Variants in PCDHGA5 observed in about 807,000 individuals in gnomAD.
PCDHGA5 encodes protocadherin gamma-A5.
Under a neutral mutation model 56.7 loss-of-function variants are expected in PCDHGA5, and 36 were observed. That is an observed-to-expected ratio of 0.64 (90% CI 0.49 to 0.84). The LOEUF (loss-of-function observed/expected upper bound fraction) is 0.84, where lower values mean the gene tolerates loss of function less well. PCDHGA5 is among the 40% of genes least tolerant of loss of function. The pLI is 0.00. For synonymous variants in PCDHGA5, 563 were observed against 520.2 expected (o/e 1.08, Z -1.12); for missense variants, 1,305 against 1,201.5 (o/e 1.09, Z -1.27).
chr5:141,485,768 C>G lies in PCDHGA5; in HGVS notation c.2422-9039C>G. ...GGTCCCAGAGCTGCTCCTGGAGAAG[C>G]CTTTGGATCGAGAGAAGCAATCGGA... On this transcript the variant is annotated intron_variant, in intron 1 of 3. Coordinates refer to ENST00000518069, the MANE Select transcript of PCDHGA5 (RefSeq NM_018918.3). The surrounding 1 kb of genome is among the most constrained non-coding windows in gnomAD (Gnocchi z 5.7). 5 of 1,614,192 alleles carry G rather than the reference C, an allele frequency of 3.1e-6. No homozygotes were observed. The South Asian group carries it at 3.3e-5, about 11-fold the overall frequency.
At chr5:141,373,660 C>G (rs1045727807) in intron 1 of PCDHGA5, among the ~76,000 whole-genome samples, 15 of 152,296 alleles carry the variant, frequency 9.8e-5, no homozygotes, top group Admixed American at 3.3e-4. Context: ...GAGATATTTT[C>G]ATAAAAATGA....
rs561122870 is a variant in PCDHGA5 at position 141,439,444 on chromosome 5, C to T, written c.2422-55363C>T. On this transcript the variant is annotated intron_variant, in intron 1 of 3. Transcript: ENST00000518069. ...ATAAATTCCCAGGAATATTTTATTG[C>T]GGGAGCAAGACTGCACTGCTGCCTT... Among the ~76,000 whole-genome samples the T allele has an allele frequency of 3.0e-4, 46 of 152,264 alleles. 1 individual carries two copies. The South Asian group carries it at 6.2e-3, about 21-fold the overall frequency.
Position 141,364,690 on chromosome 5 carries a change from A to G in PCDHGA5, c.360A>G (p.Glu120=), listed in dbSNP as rs754705935. Residue 120 remains glutamate, a synonymous_variant, in exon 1 of 4, where the codon GAA becomes GAG. Transcript: ENST00000518069. ...VENKMKIYGV[E]VEIIDINDNF... ...ACAAAATGAAAATTTATGGAGTAGA[A>G]GTAGAAATAATCGATATTAATGATA... 4 of 1,613,978 alleles carry G rather than the reference A, an allele frequency of 2.5e-6. No homozygotes were observed. The highest frequency in any genetic ancestry group is 3.4e-6 in the Non-Finnish European group (4 of 1,179,896).
At chr5:141,409,184 T>C in intron 1 of PCDHGA5, 1 of 1,614,044 alleles carries the variant, frequency 6.2e-7, no homozygotes, top group Non-Finnish European at 8.5e-7. Context: ...AGGTGGTCTC[T>C]CTACCCAGTG....
At chr5:141,445,207 AAAGT>A (rs1322618652) in intron 1 of PCDHGA5, among the ~76,000 whole-genome samples, 1 of 152,196 alleles carries the variant, frequency 6.6e-6, no homozygotes, top group Non-Finnish European at 1.5e-5. Flanking sequence ...ATGCTTTTGA[AAAGT>A]AAGAGGTGCA....
chr5:141,471,843 T>C (rs1471729261), intron 1 of PCDHGA5, among the ~76,000 whole-genome samples: 2 of 152,166 alleles, frequency 1.3e-5, no homozygotes, highest in Admixed American at 6.5e-5. Context: ...TTTAATAAAA[T>C]ATTCAGAAAA....
chr5:141,385,363 T>G lies in PCDHGA5; in HGVS notation c.2421+18612T>G, dbSNP rs533363868. The G allele has an allele frequency of 5.7e-5, 88 of 1,539,980 alleles. No individual in the cohort carries two copies. The South Asian group carries it at 1.1e-3, about 19-fold the overall frequency. The stretch of plus-strand genomic sequence containing the variant: ...TCCTTTATTTCCATGAGGAATTTAT[T>G]TGCATGATATTTCTCTATTATTTTG... On this transcript the variant is annotated intron_variant, in intron 1 of 3. Transcript: ENST00000518069.
At chr5:141,405,441 A>G (rs1049992632) in intron 1 of PCDHGA5, 1 of 1,376,552 alleles carries the variant, frequency 7.3e-7, no homozygotes, top group Non-Finnish European at 1.0e-6. Context: ...TGTTTTTGAG[A>G]CAGAGTCTTA....
At chr5:141,421,417 G>A (rs1188564125) in intron 1 of PCDHGA5, 2 of 1,613,950 alleles carry the variant, frequency 1.2e-6, no homozygotes, top group Non-Finnish European at 1.7e-6. Context: ...GGCGAAGCGC[G>A]GAGTCCGCAT....
At chr5:141,426,922 T>C in intron 1 of PCDHGA5, 1 of 456,720 alleles carries the variant, frequency 2.2e-6, no homozygotes, top group Non-Finnish European at 4.4e-6. Flanking sequence ...CTGGAAGCAA[T>C]GGACATGGGT....
At chr5:141,483,648 T>TTGTGTGTGTGTGTG (rs111458813) in intron 1 of PCDHGA5, among the ~76,000 whole-genome samples, 2 of 149,592 alleles carry the variant, frequency 1.3e-5, no homozygotes, top group Non-Finnish European at 3.0e-5. Context: ...GGGTGTGTGT[T>TTGTGTGTGTGTGTG]TGTGTGTGTG....
At chr5:141,403,525 C>T (rs1427557410) in intron 1 of PCDHGA5, 1 of 1,614,002 alleles carries the variant, frequency 6.2e-7, no homozygotes, top group South Asian at 1.1e-5. Flanking sequence ...GAGCCATAAA[C>T]CCAGAGCTGG....
At chr5:141,442,403 G>A (rs1042068651) in intron 1 of PCDHGA5, 2 of 152,168 alleles carry the variant, frequency 1.3e-5, no homozygotes, top group African/African-American at 4.8e-5. Context: ...TACGAATCCA[G>A]GGCTGAGTGA....
chr5:141,454,101 A>T (rs2098781558), intron 1 of PCDHGA5, among the ~76,000 whole-genome samples: 1 of 152,256 alleles, frequency 6.6e-6, no homozygotes. Flanking sequence ...ATTGAACATA[A>T]ATGGAGTTAT....
intron 1 of PCDHGA5, 161 bp from the exon 2 acceptor site, chr5:141,494,646 T>C (rs1324048407): frequency 1.1e-6 from 1 of 935,836 alleles, no homozygotes; most frequent in East Asian, 1.2e-4. Flanking sequence ...AGACCTGAGG[T>C]GTATTTTGTC....
intron 1 of PCDHGA5, chr5:141,393,264 C>A (rs537186931): frequency 6.2e-7 from 1 of 1,613,916 alleles, no homozygotes. Flanking sequence ...TCCTGGAGCA[C>A]GTTATCCACT....
At chr5:141,510,238 A>C (rs2099880007) in intron 3 of PCDHGA5, among the ~76,000 whole-genome samples, 1 of 149,340 alleles carries the variant, frequency 6.7e-6, no homozygotes, top group Non-Finnish European at 1.5e-5. Flanking sequence ...GCGCCACTGC[A>C]CTCCAGGCTG....
chr5:141,480,414 CA>C (rs10712552), intron 1 of PCDHGA5, among the ~76,000 whole-genome samples: 43,347 of 147,074 alleles, frequency 0.29, 6,620 homozygotes, highest in African/African-American at 0.4. Flanking sequence ...GACCCTGTCT[CA>C]AAAAAAAAAA....
At chr5:141,492,505 C>A (rs1009723421) in intron 1 of PCDHGA5, among the ~76,000 whole-genome samples, 1 of 152,212 alleles carries the variant, frequency 6.6e-6, no homozygotes, top group Admixed American at 6.5e-5. Context: ...GACTCCGGAG[C>A]CTCCTCTCAC....
Sources: allele counts gnomAD v4.1 joint callset (sites outside exome capture counted in the v4.1 genomes callset), GRCh38; gene constraint gnomAD v4.1.1; non-coding constraint Gnocchi (gnomAD v3.1); transcripts MANE v1.5; gene names NCBI Gene and HGNC (gene_info 2026-07-23, HGNC 2026-07-21).